APP: variants seen among roughly 807,000 people sequenced by gnomAD.
APP encodes the protein amyloid beta precursor protein.
Under a neutral mutation model 101.4 loss-of-function variants are expected in APP, and 31 were observed. That is an observed-to-expected ratio of 0.31 (90% confidence interval 0.23 to 0.41). APP has a LOEUF of 0.41. APP is among the 10% of genes least tolerant of loss of function. APP has a pLI of 1.00. For synonymous variants in APP, 366 were observed against 364.4 expected (o/e 1.00, Z -0.05); for missense variants, 839 against 1,003.7 (o/e 0.84, Z 2.22).
intron 17 of APP, among the ~76,000 whole-genome samples, chr21:25,885,272 G>A (rs190574191): frequency 1.6e-3 from 238 of 152,340 alleles, no homozygotes; most frequent in African/African-American, 4.2e-3. Context: ...TCTCCAGCAG[G>A]CTCACCAATC....
chr21:26,101,748 G>C (rs1276789601), intron 2 of APP, among the ~76,000 whole-genome samples: 1 of 152,112 alleles, frequency 6.6e-6, no homozygotes, highest in Non-Finnish European at 1.5e-5. Flanking sequence ...AAAGTGTCTT[G>C]ACCAGAAAGC....
At chr21:25,910,716 GA>G (rs2039029923) in intron 14 of APP, among the ~76,000 whole-genome samples, 1 of 152,152 alleles carries the variant, frequency 6.6e-6, no homozygotes, top group Admixed American at 6.5e-5. Context: ...GGTACCAAAG[GA>G]AAAAACATTT....
chr21:26,053,394 G>T, intron 3 of APP, 46 bp from the exon 4 acceptor site: 1 of 1,335,338 alleles, frequency 7.5e-7, no homozygotes, highest in Non-Finnish European at 1.1e-6. Context: ...CTGTATCACA[G>T]TGTTCTTACC....
intron 2 of APP, among the ~76,000 whole-genome samples, chr21:26,102,157 C>T (rs1214924640): frequency 1.4e-5 from 2 of 141,632 alleles, no homozygotes; most frequent in Admixed American, 1.5e-4. Context: ...GGCGCGATCT[C>T]GGCTCACCGC....
At chr21:26,121,594 G>T (rs943745049) in intron 1 of APP, among the ~76,000 whole-genome samples, 1 of 152,070 alleles carries the variant, frequency 6.6e-6, no homozygotes, top group African/African-American at 2.4e-5. Flanking sequence ...CATCATGTTG[G>T]TCAGGCTGAT....
At chr21:25,938,485 G>T (rs1218925847) in intron 13 of APP, among the ~76,000 whole-genome samples, 1 of 151,718 alleles carries the variant, frequency 6.6e-6, no homozygotes, top group African/African-American at 2.4e-5. Context: ...AATATAACAA[G>T]TTTCTAAGAA....
intron 14 of APP, among the ~76,000 whole-genome samples, chr21:25,910,253 G>A (rs948819286): frequency 4.6e-5 from 7 of 151,784 alleles, no homozygotes; most frequent in African/African-American, 1.2e-4. Flanking sequence ...TCAGCCTCCC[G>A]AGTAGCTGGG....
intron 1 of APP, among the ~76,000 whole-genome samples, chr21:26,157,279 A>G (rs1411828451): frequency 6.6e-6 from 1 of 152,148 alleles, no homozygotes; most frequent in Non-Finnish European, 1.5e-5. Flanking sequence ...CATGTTGGCC[A>G]GGCTGGCCTT....
At chr21:26,157,626 C>T (rs939076443) in intron 1 of APP, among the ~76,000 whole-genome samples, 3 of 152,140 alleles carry the variant, frequency 2.0e-5, no homozygotes, top group Admixed American at 6.5e-5. Context: ...AGGTTTTCCC[C>T]ACATCTTGAT....
intron 2 of APP, among the ~76,000 whole-genome samples, chr21:26,096,244 G>T (rs1167662494): frequency 6.6e-6 from 1 of 152,104 alleles, no homozygotes; most frequent in Non-Finnish European, 1.5e-5. Context: ...GCCTCACATC[G>T]CTATTAAGTT....
intron 11 of APP, among the ~76,000 whole-genome samples, chr21:25,957,193 C>T (rs1375867051): frequency 6.6e-6 from 1 of 152,170 alleles, no homozygotes; most frequent in Non-Finnish European, 1.5e-5. Flanking sequence ...CAGCTTGCAA[C>T]AGTTCTTGGC....
intron 1 of APP, among the ~76,000 whole-genome samples, chr21:26,146,732 A>G (rs115669368): frequency 0.018 from 2,730 of 152,316 alleles, 84 homozygotes; most frequent in African/African-American, 0.061. Flanking sequence ...TCTTTTCATA[A>G]TAAGTTTTCA....
intron 2 of APP, among the ~76,000 whole-genome samples, chr21:26,103,577 G>A (rs887422164): frequency 6.6e-6 from 1 of 152,092 alleles, no homozygotes; most frequent in Non-Finnish European, 1.5e-5. Flanking sequence ...CTCCAGCCTG[G>A]GCGATGGAGT....
chr21:25,897,896 G>C (rs957528153), intron 15 of APP: 40 of 561,548 alleles, frequency 7.1e-5, no homozygotes, highest in Admixed American at 2.6e-4. Context: ...CTGAAAGTAA[G>C]GCTTCTGCTG....
Position 26,021,935 on chromosome 21 carries a change from T to G in APP, c.770A>C (p.Glu257Ala), listed in dbSNP as rs2044358596. 6.2e-7 allele frequency: 1 copy of G among 1,613,394 alleles called. No individual in the cohort carries two copies. The highest frequency in any genetic ancestry group is 8.5e-7 in the Non-Finnish European group (1 of 1,179,662). The change falls in exon 6 of 18, where the codon GAG (glutamate) becomes GCG (alanine). Residue 257 changes from glutamate (E) to alanine (A), a missense_variant. By Grantham distance (107) the Glu-to-Ala change is moderately radical (BLOSUM62 -1). Coordinates refer to ENST00000346798, the MANE Select transcript of APP (RefSeq NM_000484.4). Reference sequence around the variant, plus strand: ...GGCTTCTTCGTAGGGTTCCTCAGCCTCTTCCTCTACCTCATCACCATCCTC... The same window carrying G: ...GGCTTCTTCGTAGGGTTCCTCAGCCGCTTCCTCTACCTCATCACCATCCTC... ...DDEDGDEVEEEAEEPYEEATE... is the reference protein window; with the variant it reads ...DDEDGDEVEEAAEEPYEEATE...
chr21:26,166,871 T>TGAGAGAGAGTGAGA (rs1183041320), intron 1 of APP, among the ~76,000 whole-genome samples: 27 of 135,202 alleles, frequency 2.0e-4, no homozygotes, highest in Non-Finnish European at 4.3e-4. Context: ...GTCACTCAAG[T>TGAGAGAGAGTGAGA]GAGAGAGAGA....
chr21:26,077,775 G>GA (rs796489181), intron 3 of APP, among the ~76,000 whole-genome samples: 4,619 of 86,880 alleles, frequency 0.053, 101 homozygotes, highest in South Asian at 0.074. Context: ...ACAGGAGAAG[G>GA]AAAAAAAAAA....
chr21:25,972,602 T>C (rs2042073601), intron 11 of APP, among the ~76,000 whole-genome samples: 1 of 150,870 alleles, frequency 6.6e-6, no homozygotes, highest in Admixed American at 6.6e-5. Flanking sequence ...AGTCATGCAA[T>C]CACAGCTCAC....
chr21:25,998,183 G>A (rs1221052630), intron 7 of APP, among the ~76,000 whole-genome samples: 2 of 152,126 alleles, frequency 1.3e-5, no homozygotes, highest in African/African-American at 4.8e-5. Context: ...CCCAGGGAAA[G>A]GGAGAAAAAA....
Sources: gnomAD v4.1 joint callset for allele counts (sites outside exome capture counted in the v4.1 genomes callset) on GRCh38, gnomAD v4.1.1 for gene constraint, MANE v1.5 for transcripts, NCBI Gene and HGNC (gene_info 2026-07-23, HGNC 2026-07-21) for gene names.